C6: variants seen among roughly 807,000 people sequenced by gnomAD.
C6 encodes complement component C6.
In C6, 101 loss-of-function variants were observed where a neutral mutation model predicts 112.9. The observed-to-expected ratio is 0.89, with a 90% CI of 0.76 to 1.06. The LOEUF (loss-of-function observed/expected upper bound fraction) is 1.06. Ranked by LOEUF, C6 falls within the 50% of genes least tolerant of loss-of-function variation. C6 has a pLI of 0.00. For missense variants in C6, 1,202 were observed against 1,104.6 expected (o/e 1.09, Z -1.25); for synonymous variants, 431 against 384.1 (o/e 1.12, Z -1.43).
chr5:41,194,918 T>G (rs1194886326), intron 5 of C6, among the ~76,000 whole-genome samples: 1 of 152,214 alleles, frequency 6.6e-6, no homozygotes, highest in African/African-American at 2.4e-5. Context: ...CTGAGGTTTC[T>G]TCCAGGGTGT....
At chr5:41,163,057 G>A (rs1747668851) in intron 9 of C6, among the ~76,000 whole-genome samples, 2 of 151,974 alleles carry the variant, frequency 1.3e-5, no homozygotes, top group African/African-American at 2.4e-5. Context: ...GAAAGAGTAA[G>A]TCTGTTTACT....
chr5:41,170,167 G>A (rs188997933), intron 9 of C6, among the ~76,000 whole-genome samples: 12 of 151,410 alleles, frequency 7.9e-5, no homozygotes, highest in African/African-American at 2.7e-4. Context: ...TCTTTTTCAC[G>A]GATACTAATT....
chr5:41,196,431 G>T (rs755177076), intron 4 of C6, among the ~76,000 whole-genome samples: 7 of 151,902 alleles, frequency 4.6e-5, no homozygotes, highest in Non-Finnish European at 7.4e-5. Flanking sequence ...TCCTTTATAT[G>T]ATGTCCAGGG....
intron 9 of C6, among the ~76,000 whole-genome samples, chr5:41,167,689 G>A (rs1391657877): frequency 6.6e-6 from 1 of 152,122 alleles, no homozygotes; most frequent in African/African-American, 2.4e-5. Flanking sequence ...ATAGGATCAA[G>A]CTTGAGGCAC....
Position 41,153,673 on chromosome 5 carries a change from G to A in C6, c.2290+137C>T, listed in dbSNP as rs574535642. 209 of 669,054 alleles carry A rather than the reference G, an allele frequency of 3.1e-4. 1 individual carries two copies. Among genetic ancestry groups the A allele is most frequent in the Non-Finnish European group, 4.2e-4 (155 of 372,334 alleles). 41.4% of individuals were successfully genotyped at this position (669,054 alleles called of 1,614,324 possible). A position where few individuals can be genotyped will look rare whatever the true frequency, so the allele number is the denominator to read the frequency against. On this transcript the variant is annotated intron_variant, in intron 15 of 17. Coordinates refer to ENST00000337836, the MANE Select transcript of C6 (RefSeq NM_000065.5). ...ATTAGCAGAGCTATTGCATAGTTCC[G>A]GTTTGACCCACACTGTCTAAACTTG... is the stretch of plus-strand genomic sequence containing the variant.
At chr5:41,260,457 C>CAA (rs1554038843) in intron 1 of C6, among the ~76,000 whole-genome samples, 5 of 147,336 alleles carry the variant, frequency 3.4e-5, no homozygotes, top group Non-Finnish European at 7.4e-5. Flanking sequence ...AACCCCCCCC[C>CAA]AAAACAAACA....
Position 41,176,589 on chromosome 5 carries a change from C to T in C6, c.1054G>A (p.Ala352Thr). 1 of 1,613,816 alleles carries T rather than the reference C, an allele frequency of 6.2e-7. No homozygotes were observed. Among genetic ancestry groups the T allele is most frequent in the Non-Finnish European group, 8.5e-7 (1 of 1,179,848 alleles). The change falls in exon 8 of 18, where the codon GCT (alanine) becomes ACT (threonine). Residue 352 changes from alanine (A) to threonine (T), a missense_variant. Coordinates refer to ENST00000337836, the MANE Select transcript of C6 (RefSeq NM_000065.5). ...LNHLPLEYNSALYSRIFDDFG... is the reference protein window; with the variant it reads ...LNHLPLEYNSTLYSRIFDDFG... ...TCATCGAATATTCGGCTGTACAAAGCAGAGTTGTATTCTAGAGGCAGATGG... is the reference window on the plus strand; with the variant it reads ...TCATCGAATATTCGGCTGTACAAAGTAGAGTTGTATTCTAGAGGCAGATGG...
At chr5:41,157,709 T>C (rs1317801783) in intron 13 of C6, among the ~76,000 whole-genome samples, 3 of 152,222 alleles carry the variant, frequency 2.0e-5, no homozygotes, top group African/African-American at 7.2e-5. Context: ...GATATTTCTG[T>C]GCCCTTCCCA....
At chr5:41,213,760 GC>G (rs1020883853), upstream of C6, among the ~76,000 whole-genome samples, 2 of 152,016 alleles carry the variant, frequency 1.3e-5, no homozygotes, top group African/African-American at 2.4e-5. Flanking sequence ...TAAAATTGCT[GC>G]CCCCCTTAGG....
At chr5:41,250,226 G>A (rs1048501218) in intron 1 of C6, among the ~76,000 whole-genome samples, 1 of 152,164 alleles carries the variant, frequency 6.6e-6, no homozygotes, top group Non-Finnish European at 1.5e-5. Context: ...CTAGGCTTGA[G>A]GAGAAACTTG....
intron 1 of C6, among the ~76,000 whole-genome samples, chr5:41,212,098 CT>C (rs1751979156): frequency 1.3e-5 from 2 of 152,100 alleles, no homozygotes; most frequent in South Asian, 4.2e-4. Flanking sequence ...TAATTGGTAG[CT>C]TTTCTTTTTT....
At chr5:41,240,183 T>C (rs1740609596) in intron 1 of C6, among the ~76,000 whole-genome samples, 1 of 152,162 alleles carries the variant, frequency 6.6e-6, no homozygotes, top group South Asian at 2.1e-4. Context: ...GCCATGGATC[T>C]TCATTGGTCA....
rs1740742572 is a variant in C6, at chr5:41,242,033, A to AT, written c.-21+19160dup. Among the ~76,000 whole-genome samples, 4 of 152,326 alleles carry AT rather than the reference A, an allele frequency of 2.6e-5. 1 individual carries two copies. The South Asian group carries it at 6.2e-4, about 24-fold the overall frequency. On this transcript the variant is annotated intron_variant, in intron 1 of 17. Transcript: ENST00000263413. The stretch of plus-strand genomic sequence containing the variant: ...TCATTATATAGTTACCTTGAATAAT[A>AT]TTAATTGAAAAGTTTAAGACTTTTT...
chr5:41,191,067 CTTTTT>C (rs142519688), intron 5 of C6, among the ~76,000 whole-genome samples: 2 of 84,756 alleles, frequency 2.4e-5, no homozygotes, highest in African/African-American at 5.0e-5. Flanking sequence ...ATGCCTTTGG[CTTTTT>C]TTTTTTTTTT....
chr5:41,160,694 C>A (rs1460648400), intron 10 of C6, among the ~76,000 whole-genome samples: 1 of 152,118 alleles, frequency 6.6e-6, no homozygotes, highest in Non-Finnish European at 1.5e-5. Context: ...AAGAGTTAGG[C>A]AACTCTTTCC....
At chr5:41,255,464 C>T (rs888046365) in intron 1 of C6, among the ~76,000 whole-genome samples, 11 of 151,876 alleles carry the variant, frequency 7.2e-5, no homozygotes, top group South Asian at 2.1e-4. Flanking sequence ...CTGCAAGTAA[C>T]GGAGACAAGG....
In C6 at chr5:41,251,560, T is replaced by C. The variant is rs192651067; in HGVS notation, c.-21+9634A>G. 4.6e-5 allele frequency among the ~76,000 whole-genome samples: 7 copies of C among 152,254 alleles called. No homozygotes were observed. In the South Asian group the frequency reaches 1.2e-3, roughly 27 times the overall value. ...TGTGTCCCTTGCCCTAGAAGAAAAG[T>C]TTGGAACAGCTGAATCTTAGGTCAA... On this transcript the variant is annotated intron_variant, in intron 1 of 17. Coordinates refer to the C6 transcript ENST00000263413.
chr5:41,254,154 C>T (rs954227351), intron 1 of C6, among the ~76,000 whole-genome samples: 3 of 152,166 alleles, frequency 2.0e-5, no homozygotes, highest in African/African-American at 7.2e-5. Flanking sequence ...ATAATCCCAG[C>T]ACTTTGGGAG....
chr5:41,200,888 GTTGTTTTT>G (rs1292855745), intron 3 of C6, among the ~76,000 whole-genome samples: 6,419 of 65,264 alleles, frequency 0.098, 83 homozygotes, highest in Middle Eastern at 0.16. Context: ...TGTTGTTGTT[GTTGTTTTT>G]TTTTTTTTTT....
Sources: allele counts gnomAD v4.1 joint callset (sites outside exome capture counted in the v4.1 genomes callset), GRCh38; gene constraint gnomAD v4.1.1; transcripts MANE v1.5; gene names NCBI Gene and HGNC (gene_info 2026-07-23, HGNC 2026-07-21).